The following SDAD1 variants were observed in gnomAD, a reference collection of about 807,000 sequenced individuals.
SDAD1 encodes the protein protein SDA1 homolog.
SDAD1 carries 79 observed loss-of-function variants against 100.3 expected under a neutral mutation model. The observed-to-expected ratio is 0.79, with a 90% CI of 0.66 to 0.95. SDAD1 has a LOEUF of 0.95. Ranked by LOEUF, SDAD1 falls within the 40% of genes least tolerant of loss-of-function variation. The pLI is 0.00. For missense variants in SDAD1, 790 were observed against 810.9 expected, an observed-to-expected ratio of 0.97 and a Z score of 0.31; for synonymous variants, 267 against 271.4, an observed-to-expected ratio of 0.98 and a Z score of 0.16.
chr4:75,952,313 G>C (rs1472362354), intron 21 of SDAD1, among the ~76,000 whole-genome samples: 1 of 152,186 alleles, frequency 6.6e-6, no homozygotes, highest in South Asian at 2.1e-4. Context: ...TGTTGGTTAT[G>C]GGAATTTACT....
At chr4:75,988,705 G>A (rs927270888) in intron 1 of SDAD1, among the ~76,000 whole-genome samples, 1 of 152,082 alleles carries the variant, frequency 6.6e-6, no homozygotes, top group Admixed American at 6.6e-5. Context: ...ACATATAGCA[G>A]GTAATCAACA....
intron 10 of SDAD1, 42 bp from the exon 11 acceptor site, chr4:75,969,441 G>T (rs1329023078): frequency 7.5e-7 from 1 of 1,337,490 alleles, no homozygotes; most frequent in Non-Finnish European, 1.1e-6. Context: ...TGAGTCTATG[G>T]TCTATGTGAC....
chr4:75,974,250 G>C (rs1730028398), intron 6 of SDAD1, 117 bp from the exon 7 acceptor site: 1 of 805,006 alleles, frequency 1.2e-6, no homozygotes, highest in South Asian at 1.5e-5. Context: ...AGAATTCCCA[G>C]TTGTAATATT....
rs767917925 is a variant in SDAD1, at chr4:75,990,837, G to C, written c.5C>G (p.Ser2Cys). The part of the protein sequence containing the change: M[S>C]NRNNNKLPSN... ...GGGAAGCTTGTTGTTGTTTCTGTTG[G>C]ACATTTTGGCTGCAGACAGACTTCG... Residue 2 changes from serine to cysteine, a missense_variant, in exon 1 of 22, where the codon TCC becomes TGC. Physicochemically the swap from Ser to Cys is moderately radical, Grantham distance 112 (BLOSUM62 -1). Coordinates refer to ENST00000356260, the MANE Select transcript of SDAD1 (RefSeq NM_018115.4). The C allele has an allele frequency of 6.2e-7, 1 of 1,614,088 alleles. No individual in the cohort carries two copies. Among genetic ancestry groups the C allele is most frequent in the Non-Finnish European group, 8.5e-7 (1 of 1,180,018 alleles).
At chr4:75,964,470 G>C (rs1480552019) in intron 13 of SDAD1, among the ~76,000 whole-genome samples, 1 of 152,192 alleles carries the variant, frequency 6.6e-6, no homozygotes, top group Non-Finnish European at 1.5e-5. Context: ...ACCTCCCCTA[G>C]TTATACAAAA....
chr4:75,981,450 C>T lies in SDAD1; in HGVS notation c.216G>A (p.Glu72=). ...CCTCTTGAGGAAAATTACTTAGGTA[C>T]TCTGGGTAGCAGTGACTAATCTGTA... The part of the protein sequence containing the change: ...FMAQISHCYP[E]YLSNFPQEVK... The change falls in exon 3 of 22, where the codon GAG becomes GAA. Residue 72 remains glutamate, a synonymous_variant. Transcript: ENST00000356260. 6 of 1,613,770 alleles carry T rather than the reference C, an allele frequency of 3.7e-6. No homozygotes were observed. The highest frequency in any genetic ancestry group is 5.1e-6 in the Non-Finnish European group (6 of 1,179,764).
rs1317874786 is a variant in SDAD1 at position 75,965,806 on chromosome 4, A to G, written c.1062T>C (p.Leu354=). 4 of 1,613,596 alleles carry G rather than the reference A, an allele frequency of 2.5e-6. No homozygotes were observed. Among genetic ancestry groups the G allele is most frequent in the Non-Finnish European group, 3.4e-6 (4 of 1,179,758 alleles). ...GATGAGATGCTTGTGCAGCAAACAG[A>G]AGGATCTTGGTTACTTCTGAAAACA... The part of the protein sequence containing the change: ...QPHQREVTKI[L]LFAAQASHHL... The change falls in exon 13 of 22, where the codon CTT becomes CTC. Residue 354 remains leucine (L), a synonymous_variant. Transcript: ENST00000356260.
chr4:75,960,560 T>G (rs371156762), intron 16 of SDAD1, among the ~76,000 whole-genome samples: 5 of 152,202 alleles, frequency 3.3e-5, no homozygotes, highest in African/African-American at 1.2e-4. Flanking sequence ...GTCCACTATT[T>G]TCTTGTTGTG....
rs1018826741 is a variant in SDAD1 at position 75,990,923 on chromosome 4, C to G, written c.-82G>C. 6.5e-7 allele frequency: 1 copy of G among 1,547,070 alleles called. No individual in the cohort carries two copies. Among genetic ancestry groups the G allele is most frequent in the Admixed American group, 1.7e-5 (1 of 59,082 alleles). ...ACCCCGCAATCCCTGCCAGCTGCAG[C>G]TTGGACTCGTGTTTCCGGGTATGAC... On this transcript the variant is annotated 5_prime_UTR_variant, in exon 1 of 22. Coordinates refer to ENST00000356260, the MANE Select transcript of SDAD1 (RefSeq NM_018115.4).
At chr4:75,975,655 G>T in intron 6 of SDAD1, 89 bp downstream of exon 6, 1 of 867,632 alleles carries the variant, frequency 1.2e-6, no homozygotes. Flanking sequence ...AAGAGCTCAA[G>T]CTCAAGAAAA....
rs975363073 is a variant in SDAD1, at chr4:75,981,858, G to C, written c.195+75C>G. 1.8e-5 allele frequency: 19 copies of C among 1,048,312 alleles called. No individual in the cohort carries two copies. The African/African-American group carries it at 2.9e-4, about 16-fold the overall frequency. 64.9% of individuals were successfully genotyped at this position (1,048,312 alleles called of 1,614,324 possible). Reference sequence around the variant, plus strand: ...AGTTCCCATTCCAGAGTGGAATAAGGTTGAGTATTAGTGAAAAAACATTCA... The same window carrying C: ...AGTTCCCATTCCAGAGTGGAATAAGCTTGAGTATTAGTGAAAAAACATTCA... On this transcript the variant is annotated intron_variant, in intron 2 of 21. Transcript: ENST00000356260.
In SDAD1 at chr4:75,990,735, C is replaced by T; in HGVS notation, c.90+17G>A. On this transcript the variant is annotated intron_variant, in intron 1 of 21. Coordinates refer to ENST00000356260, the MANE Select transcript of SDAD1 (RefSeq NM_018115.4). ...TCCACTATCCGGCCTCTAGCGTCTG[C>T]CGCGCCGCACTCCCACCTCCTCGAT... 1 of 1,613,710 alleles carries T rather than the reference C, an allele frequency of 6.2e-7. No individual in the cohort carries two copies. The highest frequency in any genetic ancestry group is 8.5e-7 in the Non-Finnish European group (1 of 1,179,978).
At chr4:75,975,044 AAATT>A (rs1578137336) in intron 6 of SDAD1, among the ~76,000 whole-genome samples, 1 of 151,944 alleles carries the variant, frequency 6.6e-6, no homozygotes, top group East Asian at 1.9e-4. Flanking sequence ...TTCTCAAAAA[AAATT>A]AATAAATAAA....
At chr4:75,963,936 A>T (rs1326626677) in intron 14 of SDAD1, among the ~76,000 whole-genome samples, 199 bp downstream of exon 14, 1 of 152,244 alleles carries the variant, frequency 6.6e-6, no homozygotes, top group East Asian at 1.9e-4. Flanking sequence ...AATTAGAAGG[A>T]AAAGTATCTT....
In SDAD1 at chr4:75,957,571, G is replaced by A. The variant is rs200485977; in HGVS notation, c.1716C>T (p.Pro572=). Residue 572 remains proline, a synonymous_variant, in exon 19 of 22, where the codon CCC becomes CCT. Coordinates refer to ENST00000356260, the MANE Select transcript of SDAD1 (RefSeq NM_018115.4). ...TGTATTTCCTCTTCTGGGATTTCCC[G>A]GGGGCAGCATCAAGTTCTTTTCTCA... The part of the protein sequence containing the change: ...AQMRKELDAA[P]GKSQKRKYIE... The A allele has an allele frequency of 4.6e-5, 74 of 1,612,638 alleles. No individual in the cohort carries two copies. The East Asian group carries it at 4.9e-4, about 11-fold the overall frequency.
rs1239644612 is a variant in SDAD1, at chr4:75,975,932, CT to C, written c.468del (p.Val157Ter). The C allele has an allele frequency of 6.2e-7, 1 of 1,601,846 alleles. No individual in the cohort carries two copies. The highest frequency in any genetic ancestry group is 2.2e-5 in the East Asian group (1 of 44,774). On this transcript the variant is annotated frameshift_variant, in exon 5 of 22. Coordinates refer to ENST00000356260, the MANE Select transcript of SDAD1 (RefSeq NM_018115.4). LOFTEE classifies it high-confidence loss of function. ...GACAGAAGAGTACTTACTACATTCACTTTATTGTTCTTGTGTTTTGCATTTA... is the reference window on the plus strand; with the variant it reads ...GACAGAAGAGTACTTACTACATTCACTTATTGTTCTTGTGTTTTGCATTTA... Reference protein sequence around the residue: ...KNINAKHKNNKVNVVLQNFMY... With the variant: ...KNINAKHKNNXVNVVLQNFMY...
chr4:75,982,167 T>TC, intron 1 of SDAD1, 130 bp from the exon 2 acceptor site: 1 of 586,504 alleles, frequency 1.7e-6, no homozygotes, highest in East Asian at 3.0e-5. Flanking sequence ...CAAAAGTATA[T>TC]AAAAACACTC....
At chr4:75,962,770 T>C (rs1271467845) in intron 14 of SDAD1, among the ~76,000 whole-genome samples, 1 of 152,204 alleles carries the variant, frequency 6.6e-6, no homozygotes, top group African/African-American at 2.4e-5. Flanking sequence ...TTGTTTAAGG[T>C]CTTTGTAGAT....
chr4:75,981,723 A>C (rs1349764325), intron 2 of SDAD1, among the ~76,000 whole-genome samples: 1 of 152,232 alleles, frequency 6.6e-6, no homozygotes, highest in Non-Finnish European at 1.5e-5. Flanking sequence ...AAATAGTCTT[A>C]AAGTTTTGTC....
Sources: gnomAD v4.1 joint callset for allele counts (sites outside exome capture counted in the v4.1 genomes callset) on GRCh38, gnomAD v4.1.1 for gene constraint, MANE v1.5 for transcripts, NCBI Gene and HGNC (gene_info 2026-07-23, HGNC 2026-07-21) for gene names.